Variants in SIM2 observed in about 807,000 individuals in gnomAD.
The protein encoded by SIM2 is single-minded homolog 2.
Under a neutral mutation model 64.8 loss-of-function variants are expected in SIM2, and 28 were observed. The observed-to-expected ratio is 0.43, with a 90% CI of 0.32 to 0.59. SIM2 has a LOEUF of 0.59. SIM2 is among the 20% of genes least tolerant of loss of function. The pLI, the probability that SIM2 is intolerant of heterozygous loss-of-function variation, is 0.07. For synonymous variants in SIM2, 408 were observed against 391.1 expected, an observed-to-expected ratio of 1.04 and a Z score of -0.51; for missense variants, 847 against 871.4, an observed-to-expected ratio of 0.97 and a Z score of 0.35.
chr21:36,723,172 C>A, intron 5 of SIM2, 42 bp downstream of exon 5: 1 of 1,502,490 alleles, frequency 6.7e-7, no homozygotes, highest in Non-Finnish European at 9.3e-7. Context: ...GGCTAAGGGT[C>A]TTCAATGTGT....
rs1291729828 is a variant in SIM2, at chr21:36,731,108, G to A, written c.807G>A (p.Val269=). 1 of 1,614,040 alleles carries A rather than the reference G, an allele frequency of 6.2e-7. No homozygotes were observed. Among genetic ancestry groups the A allele is most frequent in the Admixed American group, 1.7e-5 (1 of 60,024 alleles). Residue 269 remains valine, a synonymous_variant, in exon 7 of 11, where the codon GTG becomes GTA. Transcript: ENST00000290399. The stretch of plus-strand genomic sequence containing the variant: ...TCGAGAAGACCCTATACCATCACGT[G>A]CACGGCTGCGACGTGTTCCACCTCC... ...DLIEKTLYHH[V]HGCDVFHLRY... is the part of the protein sequence containing the mutation.
At chr21:36,700,916 G>A (rs1001757465) in intron 1 of SIM2, among the ~76,000 whole-genome samples, 2 of 152,260 alleles carry the variant, frequency 1.3e-5, no homozygotes, top group African/African-American at 2.4e-5. Flanking sequence ...AAGAAATAGT[G>A]GCGCGCTGGG....
intron 3 of SIM2, among the ~76,000 whole-genome samples, chr21:36,716,813 A>G (rs1301267853): frequency 6.6e-6 from 1 of 152,176 alleles, no homozygotes; most frequent in Non-Finnish European, 1.5e-5. Context: ...GTCTGTTTTA[A>G]TAAGGCTGAT....
In SIM2 at chr21:36,745,980, G is replaced by A. The variant is rs1473583391; in HGVS notation, c.1576+844G>A. Reference sequence around the variant, plus strand: ...GAGTGTAGACCGAGATGGTGCAGATGCCTGCAGTGCCACTAAAATGTGGGT... The same window carrying A: ...GAGTGTAGACCGAGATGGTGCAGATACCTGCAGTGCCACTAAAATGTGGGT... On this transcript the variant is annotated intron_variant, in intron 10 of 10. Transcript: ENST00000290399. The surrounding 1 kb of genome is among the most constrained non-coding windows in gnomAD (Gnocchi z 4.8). 1.7e-6 allele frequency: 2 copies of A among 1,187,232 alleles called. No individual in the cohort carries two copies. Among genetic ancestry groups the A allele is most frequent in the Non-Finnish European group, 2.2e-6 (2 of 928,668 alleles). The allele number at this position is 1,187,232 out of a possible 1,614,324, so 73.5% of individuals were successfully genotyped here. A position where few individuals can be genotyped will look rare whatever the true frequency, so the allele number is the denominator to read the frequency against.
chr21:36,725,575 GTTAC>G (rs910504796), intron 5 of SIM2, among the ~76,000 whole-genome samples: 66 of 152,098 alleles, frequency 4.3e-4, no homozygotes, highest in African/African-American at 1.5e-3. Flanking sequence ...CTAATTTGTA[GTTAC>G]TTACAGTACA....
In SIM2 at chr21:36,747,026, AAAACAAAC is replaced by A. The variant is rs144536989; in HGVS notation, c.1577-627_1577-620del. ...GACAAATTTTGCCATATAGTGTTTA[AAAACAAAC>A]AAACAAACAAAGACAAAAAAAACCC... On this transcript the variant is annotated intron_variant, in intron 10 of 10. Transcript: ENST00000290399. This position sits in a 1 kb window ranked among gnomAD's most constrained non-coding sequence, Gnocchi z 4.5. Among the ~76,000 whole-genome samples, 6 of 152,116 alleles carry A rather than the reference AAAACAAAC, an allele frequency of 3.9e-5. No homozygotes were observed. Among genetic ancestry groups the A allele is most frequent in the Non-Finnish European group, 8.8e-5 (6 of 68,032 alleles).
At chr21:36,739,301 G>T (rs975955545) in intron 7 of SIM2, among the ~76,000 whole-genome samples, 2 of 152,138 alleles carry the variant, frequency 1.3e-5, no homozygotes, top group Non-Finnish European at 2.9e-5. Context: ...TCACAGGGGG[G>T]TTGGTAGCTA....
chr21:36,716,276 T>A (rs1202667577), intron 3 of SIM2, among the ~76,000 whole-genome samples: 1 of 152,228 alleles, frequency 6.6e-6, no homozygotes, highest in East Asian at 1.9e-4. Flanking sequence ...CTGTATACAT[T>A]TTTAAGTATC....
intron 3 of SIM2, among the ~76,000 whole-genome samples, chr21:36,715,617 A>C (rs2088736645): frequency 6.6e-6 from 1 of 152,236 alleles, no homozygotes; most frequent in Non-Finnish European, 1.5e-5. Context: ...TATTAAGTAA[A>C]GATGTCTTTC....
At chr21:36,702,476 ACAGCTGCT>A (rs1484751191) in intron 1 of SIM2, among the ~76,000 whole-genome samples, 2 of 152,204 alleles carry the variant, frequency 1.3e-5, no homozygotes, top group African/African-American at 4.8e-5. Context: ...ATTCGTCAGG[ACAGCTGCT>A]CCGGGGCCTT....
Position 36,712,641 on chromosome 21 carries a change from T to C in SIM2, c.348+19T>C, listed in dbSNP as rs1179639812. On this transcript the variant is annotated intron_variant, in intron 3 of 10. Transcript: ENST00000290399. ...ATCCCAGGTGGGTATTGCCTAATTT[T>C]ATGTGCAACCAAAATATTAAACGAA... The C allele has an allele frequency of 6.6e-7, 1 of 1,508,850 alleles. No homozygotes were observed. The highest frequency in any genetic ancestry group is 9.2e-7 in the Non-Finnish European group (1 of 1,089,780). The allele number at this position is 1,508,850 out of a possible 1,614,324, so 93.5% of individuals were successfully genotyped here.
chr21:36,726,479 G>A lies in SIM2; in HGVS notation c.743+161G>A, dbSNP rs777063801. Among the ~76,000 whole-genome samples, 13 of 152,226 alleles carry A rather than the reference G, an allele frequency of 8.5e-5. No homozygotes were observed. The highest frequency in any genetic ancestry group is 1.6e-4 in the Non-Finnish European group (11 of 68,032). ...CAATTTATGAACTGAAAGAACATAT[G>A]TCAGCCTTAGGACTCAAGGGCTTGT... On this transcript the variant is annotated intron_variant, in intron 6 of 10. Transcript: ENST00000290399. The surrounding 1 kb of genome is among the most constrained non-coding windows in gnomAD (Gnocchi z 4.5).
chr21:36,699,557 G>C lies in SIM2; in HGVS notation c.-190G>C. ...GGCGGGCGGCGCCGCCGGGTTGCTC[G>C]GAGCTCAGGCCCGGCGGCTGCGGGG... On this transcript the variant is annotated 5_prime_UTR_variant, in exon 1 of 11. Transcript: ENST00000290399. This position sits in a 1 kb window ranked among gnomAD's most constrained non-coding sequence, Gnocchi z 5.6. 2 of 449,172 alleles carry C rather than the reference G, an allele frequency of 4.5e-6. No individual in the cohort carries two copies. The highest frequency in any genetic ancestry group is 7.6e-6 in the Non-Finnish European group (2 of 263,606). 27.8% of individuals were successfully genotyped at this position (449,172 alleles called of 1,614,324 possible).
Position 36,747,662 on chromosome 21 carries a change from C to T in SIM2, c.1577-3C>T. On this transcript the variant is annotated splice_polypyrimidine_tract_variant and splice_region_variant and intron_variant, in intron 10 of 10. Transcript: ENST00000290399. The surrounding 1 kb of genome is among the most constrained non-coding windows in gnomAD (Gnocchi z 4.5). The stretch of plus-strand genomic sequence containing the variant: ...CCCTCTAACGTGTCGCCTGTCCCCG[C>T]AGCGCCCGCCGCCGCCGTGCGCAGG... 8.0e-7 allele frequency: 1 copy of T among 1,250,140 alleles called. No homozygotes were observed. Among genetic ancestry groups the T allele is most frequent in the Non-Finnish European group, 1.0e-6 (1 of 998,158 alleles). The allele number at this position is 1,250,140 out of a possible 1,614,324, so 77.4% of individuals were successfully genotyped here.
intron 4 of SIM2, chr21:36,720,569 C>T (rs1238089130): frequency 6.6e-6 from 1 of 152,264 alleles, no homozygotes; most frequent in Non-Finnish European, 1.5e-5. Context: ...ATTAATAAAG[C>T]AGCACATTTA....
chr21:36,732,072 G>C (rs890634359), intron 7 of SIM2, among the ~76,000 whole-genome samples: 2 of 152,158 alleles, frequency 1.3e-5, no homozygotes, highest in African/African-American at 4.8e-5. Flanking sequence ...TAGTAGAGAC[G>C]GGGTTTCACC....
chr21:36,706,872 T>A (rs1197105426), intron 1 of SIM2, among the ~76,000 whole-genome samples: 1 of 152,170 alleles, frequency 6.6e-6, no homozygotes, highest in Non-Finnish European at 1.5e-5. Context: ...ACTATAATGA[T>A]CTAAAAGAGA....
In SIM2 at chr21:36,731,032, C is replaced by T; in HGVS notation, c.744-13C>T. The T allele has an allele frequency of 6.2e-7, 1 of 1,604,428 alleles. No homozygotes were observed. Among genetic ancestry groups the T allele is most frequent in the East Asian group, 2.2e-5 (1 of 44,830 alleles). Reference sequence around the variant, plus strand: ...AGAGTGGCGTAACTCACTGAGCTGCCATGCCCCCACAGGGTGACCGAGGTG... The same window carrying T: ...AGAGTGGCGTAACTCACTGAGCTGCTATGCCCCCACAGGGTGACCGAGGTG... On this transcript the variant is annotated splice_polypyrimidine_tract_variant and intron_variant, in intron 6 of 10. Coordinates refer to ENST00000290399, the MANE Select transcript of SIM2 (RefSeq NM_005069.6).
At chr21:36,722,414 CTGTT>C (rs1274619661) in intron 4 of SIM2, among the ~76,000 whole-genome samples, 1 of 152,170 alleles carries the variant, frequency 6.6e-6, no homozygotes, top group Non-Finnish European at 1.5e-5. Context: ...CACCAAAGGG[CTGTT>C]TATTTAGAGT....
Sources: allele counts gnomAD v4.1 joint callset (sites outside exome capture counted in the v4.1 genomes callset), GRCh38; gene constraint gnomAD v4.1.1; non-coding constraint Gnocchi (gnomAD v3.1); transcripts MANE v1.5; gene names NCBI Gene and HGNC (gene_info 2026-07-23, HGNC 2026-07-21).